SUPT3H: variants seen among roughly 807,000 people sequenced by gnomAD.
SUPT3H encodes the protein transcription initiation protein SPT3 homolog.
In SUPT3H, 44 loss-of-function variants were observed where a neutral mutation model predicts 44.3. That is an observed-to-expected ratio of 0.99 (90% CI 0.78 to 1.28). The LOEUF (loss-of-function observed/expected upper bound fraction) is 1.28, where lower values mean the gene tolerates loss of function less well. Among genes scored for constraint, SUPT3H ranks in the 50% most tolerant of loss-of-function variants. The pLI is 0.00. For missense variants in SUPT3H, 380 were observed against 387.1 expected (o/e 0.98, Z 0.15); for synonymous variants, 124 against 125.6 (o/e 0.99, Z 0.09).
rs1763690511 is a variant in SUPT3H, at chr6:45,209,179, G to A, written c.102-103173C>T. On this transcript the variant is annotated intron_variant, in intron 2 of 10. Transcript: ENST00000371459. Reference sequence around the variant, plus strand: ...GAGCTCTGGTGGAGATATACGAGGAGATGAATGTTGTTTTCATGCCTGCTA... The same window carrying A: ...GAGCTCTGGTGGAGATATACGAGGAAATGAATGTTGTTTTCATGCCTGCTA... 3.3e-5 allele frequency among the ~76,000 whole-genome samples: 5 copies of A among 152,188 alleles called. No individual in the cohort carries two copies. In the South Asian group the frequency reaches 8.3e-4, roughly 25 times the overall value.
intron 2 of SUPT3H, among the ~76,000 whole-genome samples, chr6:45,271,332 G>C (rs562021777): frequency 4.6e-5 from 7 of 152,258 alleles, no homozygotes; most frequent in Non-Finnish European, 1.0e-4. Context: ...AGGAAAAAAT[G>C]GTTTCCTGGG....
At chr6:44,843,709 A>G (rs112857051) in intron 10 of SUPT3H, among the ~76,000 whole-genome samples, 4,091 of 152,270 alleles carry the variant, frequency 0.027, 108 homozygotes, top group South Asian at 0.12. Flanking sequence ...AACACTACAG[A>G]GGAAAAATTT....
chr6:45,347,430 C>G (rs1791112433), intron 2 of SUPT3H, among the ~76,000 whole-genome samples: 1 of 152,242 alleles, frequency 6.6e-6, no homozygotes, highest in Non-Finnish European at 1.5e-5. Flanking sequence ...AATACCTCAA[C>G]ATAAATCACT....
At chr6:44,819,846 G>A (rs2153405252) in intron 11 of SUPT3H, among the ~76,000 whole-genome samples, 1 of 152,268 alleles carries the variant, frequency 6.6e-6, no homozygotes, top group African/African-American at 2.4e-5. Flanking sequence ...CATATGAAGT[G>A]ATAAATAATA....
intron 10 of SUPT3H, among the ~76,000 whole-genome samples, chr6:44,845,687 C>A (rs1418240366): frequency 6.6e-6 from 1 of 152,170 alleles, no homozygotes; most frequent in Non-Finnish European, 1.5e-5. Context: ...AACACACTGG[C>A]AGAAGAAGAC....
At chr6:45,043,407 T>C (rs1026754710) in intron 3 of SUPT3H, among the ~76,000 whole-genome samples, 1 of 152,188 alleles carries the variant, frequency 6.6e-6, no homozygotes, top group Non-Finnish European at 1.5e-5. Context: ...GGTGTATGAA[T>C]GATCCAGTCA....
At chr6:45,286,574 T>C (rs912381294) in intron 2 of SUPT3H, among the ~76,000 whole-genome samples, 4 of 152,088 alleles carry the variant, frequency 2.6e-5, no homozygotes, top group Admixed American at 6.5e-5. Context: ...ATGGCGATCA[T>C]TAAAAACTGA....
intron 10 of SUPT3H, among the ~76,000 whole-genome samples, chr6:44,847,648 C>A (rs1375675572): frequency 6.6e-6 from 1 of 152,008 alleles, no homozygotes; most frequent in South Asian, 2.1e-4. Context: ...CCACCATGCC[C>A]AGCTAATTTT....
chr6:45,142,996 A>G (rs941756774), intron 2 of SUPT3H, among the ~76,000 whole-genome samples: 1 of 152,094 alleles, frequency 6.6e-6, no homozygotes, highest in South Asian at 2.1e-4. Flanking sequence ...GAGTAAGTCC[A>G]ACAAGAAAAT....
chr6:44,851,406 T>C (rs982177445), intron 10 of SUPT3H, among the ~76,000 whole-genome samples: 3 of 152,170 alleles, frequency 2.0e-5, no homozygotes, highest in Admixed American at 6.5e-5. Flanking sequence ...ACCACAATTA[T>C]GGTTGGCAGA....
chr6:44,914,022 GAATAATATTCTATTAT>G (rs1337098392), intron 10 of SUPT3H, among the ~76,000 whole-genome samples: 1 of 152,052 alleles, frequency 6.6e-6, no homozygotes, highest in East Asian at 1.9e-4. Flanking sequence ...CCATTACAAA[GAATAATATTCTATTAT>G]AATAATATTC....
intron 10 of SUPT3H, among the ~76,000 whole-genome samples, chr6:44,831,860 C>T (rs1768825359): frequency 1.3e-5 from 2 of 152,094 alleles, no homozygotes; most frequent in African/African-American, 4.8e-5. Flanking sequence ...ATCGATTCAC[C>T]TTCACAGATG....
rs1184425611 is a variant in SUPT3H at position 45,218,917 on chromosome 6, A to G, written c.102-112911T>C. ...ACATATTTCAAAGAGTTAAATCAAT[A>G]TAGAACATGTTATCTAACCATAATT... On this transcript the variant is annotated intron_variant, in intron 2 of 10. Coordinates refer to ENST00000371459, the MANE Select transcript of SUPT3H (RefSeq NM_003599.4). 3.3e-5 allele frequency among the ~76,000 whole-genome samples: 5 copies of G among 152,334 alleles called. No homozygotes were observed. In the East Asian group the frequency reaches 9.6e-4, roughly 29 times the overall value.
chr6:45,311,164 C>T (rs913077299), intron 2 of SUPT3H, among the ~76,000 whole-genome samples: 1 of 152,110 alleles, frequency 6.6e-6, no homozygotes, highest in Admixed American at 6.6e-5. Flanking sequence ...TAGAACAGAA[C>T]AAGTAGAAGA....
At chr6:45,093,880 A>G (rs1797455410) in intron 3 of SUPT3H, among the ~76,000 whole-genome samples, 2 of 152,188 alleles carry the variant, frequency 1.3e-5, no homozygotes, top group Admixed American at 1.3e-4. Flanking sequence ...ATGGAAGGTT[A>G]GATAATTATA....
intron 3 of SUPT3H, among the ~76,000 whole-genome samples, chr6:45,072,012 A>G (rs1794454229): frequency 6.6e-6 from 1 of 152,180 alleles, no homozygotes; most frequent in South Asian, 2.1e-4. Flanking sequence ...GAGTATGACA[A>G]TATGCTTTAA....
intron 5 of SUPT3H, among the ~76,000 whole-genome samples, chr6:45,011,904 G>A (rs537396151): frequency 5.1e-4 from 77 of 151,828 alleles, no homozygotes; most frequent in African/African-American, 1.7e-3. Context: ...ATCTGGGAAT[G>A]TATTTTGCAT....
rs151292217 is a variant in SUPT3H, at chr6:45,274,681, G to A, written c.101+90520C>T. Reference sequence around the variant, plus strand: ...GGATGGCTTGAGCCCAGGAGTTTGAGACCAGTCTGGGCAACACGGTGAAAC... The same window carrying A: ...GGATGGCTTGAGCCCAGGAGTTTGAAACCAGTCTGGGCAACACGGTGAAAC... On this transcript the variant is annotated intron_variant, in intron 2 of 10. Transcript: ENST00000371459. Among the ~76,000 whole-genome samples, 1,320 of 152,290 alleles carry A rather than the reference G, an allele frequency of 8.7e-3. 3 individuals carry two copies. The highest frequency in any genetic ancestry group is 0.014 in the Non-Finnish European group (977 of 68,024).
chr6:44,984,464 C>T (rs772596838), intron 6 of SUPT3H, among the ~76,000 whole-genome samples: 4 of 152,074 alleles, frequency 2.6e-5, no homozygotes, highest in Non-Finnish European at 4.4e-5. Flanking sequence ...CTGTAGGTTG[C>T]TTAGAAGATA....
Sources: gnomAD v4.1 joint callset for allele counts (sites outside exome capture counted in the v4.1 genomes callset) on GRCh38, gnomAD v4.1.1 for gene constraint, MANE v1.5 for transcripts, NCBI Gene and HGNC (gene_info 2026-07-23, HGNC 2026-07-21) for gene names.